Variants in NPAS3 observed in about 807,000 individuals in gnomAD.
The protein encoded by NPAS3 is neuronal PAS domain-containing protein 3.
A neutral mutation model predicts 73.1 loss-of-function variants in NPAS3; 14 were observed. That is an observed-to-expected ratio of 0.19 (90% CI 0.13 to 0.30). NPAS3 has a LOEUF of 0.30. Ranked by LOEUF, NPAS3 falls within the 10% of genes least tolerant of loss-of-function variation. The probability of loss-of-function intolerance (pLI) is 1.00; values close to 1 mark genes in which losing one functional copy is unlikely to be tolerated. For missense variants in NPAS3, 1,096 were observed against 1,250.0 expected (o/e 0.88, Z 1.86); for synonymous variants, 620 against 541.5 (o/e 1.14, Z -2.01).
chr14:33,150,910 A>G (rs763511287), intron 2 of NPAS3, among the ~76,000 whole-genome samples: 3 of 152,204 alleles, frequency 2.0e-5, no homozygotes, highest in Non-Finnish European at 4.4e-5. Flanking sequence ...TCACAACCAG[A>G]TAGGATTTCA....
At chr14:32,976,904 C>T (rs558333904) in intron 1 of NPAS3, among the ~76,000 whole-genome samples, 323 of 152,276 alleles carry the variant, frequency 2.1e-3, no homozygotes, top group African/African-American at 7.3e-3. Flanking sequence ...CTTCTAGTAA[C>T]GGTGACTCAG....
intron 5 of NPAS3, among the ~76,000 whole-genome samples, chr14:33,606,067 TTCTTTTATTA>T (rs1238682209): frequency 5.8e-5 from 8 of 139,092 alleles, no homozygotes; most frequent in Non-Finnish European, 6.0e-5. Context: ...GCAGCTGACT[TTCTTTTATTA>T]TTATTATTAT....
At chr14:33,031,554 G>A (rs1359785819) in intron 1 of NPAS3, among the ~76,000 whole-genome samples, 1 of 152,174 alleles carries the variant, frequency 6.6e-6, no homozygotes, top group African/African-American at 2.4e-5. Context: ...GTGCAGTGGT[G>A]TGATCATGGT....
intron 4 of NPAS3, among the ~76,000 whole-genome samples, chr14:33,472,213 T>C (rs2050817064): frequency 6.6e-6 from 1 of 152,162 alleles, no homozygotes; most frequent in Non-Finnish European, 1.5e-5. Flanking sequence ...GGGAGGGGGC[T>C]GAGGTTATGT....
rs552805856 is a variant in NPAS3, at chr14:32,989,835, G to C, written c.50+50469G>C. ...ATTTCAGAAAGATGACTCTGGTAGT[G>C]ATGTGGAGGAGAGAGGAAGGAGGTG... On this transcript the variant is annotated intron_variant, in intron 1 of 11. Transcript: ENST00000356141. 1.2e-4 allele frequency among the ~76,000 whole-genome samples: 18 copies of C among 152,352 alleles called. No homozygotes were observed. In the South Asian group the frequency reaches 3.7e-3, roughly 32 times the overall value.
At chr14:33,710,868 G>A (rs775759491) in intron 6 of NPAS3, among the ~76,000 whole-genome samples, 14 of 152,088 alleles carry the variant, frequency 9.2e-5, no homozygotes, top group East Asian at 1.9e-4. Flanking sequence ...CTTTATTTCC[G>A]TTATGTACAT....
chr14:33,712,599 G>A (rs562831364), intron 6 of NPAS3, among the ~76,000 whole-genome samples: 12 of 152,270 alleles, frequency 7.9e-5, no homozygotes, highest in African/African-American at 2.9e-4. Context: ...AATCACCACT[G>A]CCTCTGATAA....
intron 3 of NPAS3, among the ~76,000 whole-genome samples, chr14:33,248,856 G>A (rs755234429): frequency 6.6e-5 from 10 of 152,160 alleles, no homozygotes; most frequent in African/African-American, 1.2e-4. Context: ...AACCACAGCC[G>A]TGAAAATCTG....
At chr14:32,935,355 A>G (rs1435403045), upstream of NPAS3, among the ~76,000 whole-genome samples, 4 of 152,196 alleles carry the variant, frequency 2.6e-5, no homozygotes, top group African/African-American at 9.6e-5. Context: ...TCAATGCCTC[A>G]GCCGGATGCG....
intron 1 of NPAS3, among the ~76,000 whole-genome samples, chr14:32,945,018 T>C (rs2036194768): frequency 6.6e-6 from 1 of 152,238 alleles, no homozygotes; most frequent in African/African-American, 2.4e-5. Context: ...CCAGGTACAG[T>C]ACTAAATATA....
rs2054937944 is a variant in NPAS3, at chr14:33,548,252, A to C, written c.469-11869A>C. 2.0e-5 allele frequency among the ~76,000 whole-genome samples: 3 copies of C among 152,222 alleles called. No homozygotes were observed. In the South Asian group the frequency reaches 6.2e-4, roughly 32 times the overall value. ...GTCTACAATTCTGCATGCTAATTTT[A>C]ATAAGGCTAATAGTCATTGAGATGT... On this transcript the variant is annotated intron_variant, in intron 4 of 11. Transcript: ENST00000356141.
rs1286503897 is a variant in NPAS3, at chr14:33,638,801, T to A, written c.559-37410T>A. On this transcript the variant is annotated intron_variant, in intron 5 of 11. Coordinates refer to ENST00000356141, the Ensembl canonical transcript of NPAS3. ...AGTGGTAATGGATGTGGCAAATGTG[T>A]GGATTTTGTTGGGATTTCTTCTGAC... 2.0e-5 allele frequency among the ~76,000 whole-genome samples: 3 copies of A among 152,228 alleles called. 1 individual carries two copies. Among genetic ancestry groups the A allele is most frequent in the Non-Finnish European group, 4.4e-5 (3 of 68,034 alleles).
chr14:33,493,204 T>C (rs2051990551), intron 4 of NPAS3, among the ~76,000 whole-genome samples: 1 of 152,152 alleles, frequency 6.6e-6, no homozygotes, highest in African/African-American at 2.4e-5. Flanking sequence ...GTTTTTATGG[T>C]ATTTTGTGCA....
intron 4 of NPAS3, among the ~76,000 whole-genome samples, chr14:33,421,824 C>A (rs10483444): frequency 0.16 from 23,801 of 151,822 alleles, 2,139 homozygotes; most frequent in Admixed American, 0.26. Flanking sequence ...ATTATTTAAA[C>A]AACCAGAGAG....
chr14:33,112,588 T>G (rs1298463359), intron 2 of NPAS3, among the ~76,000 whole-genome samples: 1 of 152,222 alleles, frequency 6.6e-6, no homozygotes, highest in Non-Finnish European at 1.5e-5. Flanking sequence ...ATGAGTAGAT[T>G]GCAAAAATTT....
chr14:33,201,764 A>AT, intron 2 of NPAS3, among the ~76,000 whole-genome samples: 1 of 152,292 alleles, frequency 6.6e-6, no homozygotes, highest in South Asian at 2.1e-4. Flanking sequence ...ATGCTTTGTG[A>AT]TGGGGGCACA....
chr14:33,598,672 G>T (rs940552581), intron 5 of NPAS3, among the ~76,000 whole-genome samples: 6 of 152,188 alleles, frequency 3.9e-5, no homozygotes, highest in Non-Finnish European at 8.8e-5. Context: ...CAAATTGAAA[G>T]CTACATACGT....
intron 2 of NPAS3, among the ~76,000 whole-genome samples, chr14:33,161,529 A>G (rs1402776322): frequency 6.6e-6 from 1 of 152,240 alleles, no homozygotes; most frequent in Non-Finnish European, 1.5e-5. Context: ...GAATGAGGAT[A>G]CTAATACATT....
Position 33,180,299 on chromosome 14 carries a change from G to A in NPAS3, c.141-34883G>A, listed in dbSNP as rs527401260. 4.9e-4 allele frequency among the ~76,000 whole-genome samples: 75 copies of A among 151,810 alleles called. 1 individual carries two copies. Among genetic ancestry groups the A allele is most frequent in the East Asian group, 2.1e-3 (11 of 5,152 alleles). On this transcript the variant is annotated intron_variant, in intron 2 of 11. Transcript: ENST00000356141. ...TCTCAGGTTTTCCAAGCCTTGGTTC[G>A]CCACTTCTGAATTCTCCCATAGCAT...
Sources: gnomAD v4.1 joint callset for allele counts (sites outside exome capture counted in the v4.1 genomes callset) on GRCh38, gnomAD v4.1.1 for gene constraint, MANE v1.5 for transcripts, NCBI Gene and HGNC (gene_info 2026-07-23, HGNC 2026-07-21) for gene names.